The following BTBD2 variants were observed in gnomAD, a reference collection of about 807,000 sequenced individuals.
BTBD2 encodes the protein BTB/POZ domain-containing protein 2.
Under a neutral mutation model 44.0 loss-of-function variants are expected in BTBD2, and 15 were observed. The ratio of observed to expected loss-of-function variants is 0.34; its 90% confidence interval spans 0.23 to 0.53. The LOEUF (loss-of-function observed/expected upper bound fraction) is 0.53, where lower values mean the gene tolerates loss of function less well. Ranked by LOEUF, BTBD2 falls within the 20% of genes least tolerant of loss-of-function variation. The probability of loss-of-function intolerance (pLI) is 0.95; values close to 1 mark genes in which losing one functional copy is unlikely to be tolerated. For missense variants in BTBD2, 657 were observed against 746.4 expected, an observed-to-expected ratio of 0.88 and a Z score of 1.39; for synonymous variants, 443 against 335.9, an observed-to-expected ratio of 1.32 and a Z score of -3.49.
At chr19:1,987,035 G>A (rs931307069) in intron 7 of BTBD2, 59 bp from the exon 8 acceptor site, 8 of 1,595,360 alleles carry the variant, frequency 5.0e-6, no homozygotes, top group East Asian at 2.2e-5. Context: ...GGGACCCCTC[G>A]AGGCCCAGCC....
At chr19:2,000,823 A>C (rs1358966354) in intron 1 of BTBD2, among the ~76,000 whole-genome samples, 1 of 152,208 alleles carries the variant, frequency 6.6e-6, no homozygotes, top group East Asian at 1.9e-4. Context: ...GCGACCACCC[A>C]CGCACTGGAA....
At chr19:2,011,669 A>G (rs1455311213) in intron 1 of BTBD2, among the ~76,000 whole-genome samples, 1 of 151,862 alleles carries the variant, frequency 6.6e-6, no homozygotes, top group African/African-American at 2.4e-5. Flanking sequence ...TCATATGTGA[A>G]TTTTTTCAAT....
chr19:2,003,735 C>T (rs2145642615), intron 1 of BTBD2, among the ~76,000 whole-genome samples: 1 of 149,874 alleles, frequency 6.7e-6, no homozygotes, highest in Admixed American at 6.7e-5. Context: ...CACGCCATTG[C>T]ACTCCAGCCT....
chr19:1,989,858 C>T (rs2016147777), intron 5 of BTBD2, 146 bp downstream of exon 5: 3 of 955,098 alleles, frequency 3.1e-6, no homozygotes, highest in Non-Finnish European at 4.7e-6. Context: ...GACGCGTCCT[C>T]ACAAGCCAGG....
intron 7 of BTBD2, 22 bp from the exon 8 acceptor site, chr19:1,986,998 G>A (rs117688255): frequency 0.016 from 26,196 of 1,606,684 alleles, 469 homozygotes; most frequent in Admixed American, 0.084. Flanking sequence ...TGGGAAGTGG[G>A]AGGCTCAGGC....
At chr19:1,994,585 C>A (rs545816964) in intron 2 of BTBD2, among the ~76,000 whole-genome samples, 1 of 151,648 alleles carries the variant, frequency 6.6e-6, no homozygotes. Flanking sequence ...ATGATGAAAC[C>A]GGGTCTCTAC....
chr19:1,988,978 TCTCGGCTCATCACAAC>T (rs1244560333), intron 5 of BTBD2, among the ~76,000 whole-genome samples: 2 of 152,050 alleles, frequency 1.3e-5, no homozygotes, highest in African/African-American at 4.8e-5. Context: ...AGTGGCGCGA[TCTCGGCTCATCACAAC>T]CTCCACCTCC....
intron 1 of BTBD2, chr19:2,003,584 C>T (rs987864711): frequency 6.6e-6 from 1 of 151,980 alleles, no homozygotes; most frequent in Non-Finnish European, 1.5e-5. Flanking sequence ...GCCTAACCAA[C>T]ATGGAGAAAT....
chr19:2,009,944 G>A lies in BTBD2; in HGVS notation c.407+5353C>T, dbSNP rs2016442719. Among the ~76,000 whole-genome samples the A allele has an allele frequency of 3.3e-5, 5 of 152,158 alleles. No individual in the cohort carries two copies. In the South Asian group the frequency reaches 8.3e-4, roughly 25 times the overall value. ...CGAGGTGGGCGGATCACCTGAGGTC[G>A]GGAGTTTGAGACTAGCCCGGCTAAC... On this transcript the variant is annotated intron_variant, in intron 1 of 8. Coordinates refer to ENST00000255608, the MANE Select transcript of BTBD2 (RefSeq NM_017797.4).
intron 1 of BTBD2, chr19:2,002,876 C>CAAAA (rs56289592): frequency 1.9e-5 from 2 of 102,744 alleles, no homozygotes; most frequent in Admixed American, 1.1e-4. Flanking sequence ...GACTCCGTCT[C>CAAAA]AAAAAAAAAA....
Position 1,987,517 on chromosome 19 carries a change from C to G in BTBD2, c.1164G>C (p.Gly388=). 6.3e-7 allele frequency: 1 copy of G among 1,586,082 alleles called. No homozygotes were observed. The highest frequency in any genetic ancestry group is 1.1e-5 in the South Asian group (1 of 87,874). Residue 388 remains glycine, a synonymous_variant, in exon 6 of 9, where the codon GGG becomes GGC. Transcript: ENST00000255608. ...QQVESRWGYS[G]TSDRIRFSVN... Reference sequence around the variant, plus strand: ...AGCCCCACCTGATGCGGTCACTGGTCCCGCTGTAGCCCCAGCGACTCTCCA... The same window carrying G: ...AGCCCCACCTGATGCGGTCACTGGTGCCGCTGTAGCCCCAGCGACTCTCCA...
chr19:1,986,665 G>A lies in BTBD2; in HGVS notation c.1417-16C>T. 6.2e-7 allele frequency: 1 copy of A among 1,611,836 alleles called. No homozygotes were observed. On this transcript the variant is annotated splice_polypyrimidine_tract_variant and intron_variant, in intron 8 of 8. Coordinates refer to ENST00000255608, the MANE Select transcript of BTBD2 (RefSeq NM_017797.4). The stretch of plus-strand genomic sequence containing the variant: ...AGTCTGGGCCCTGTAGGGAATAGGG[G>A]TACAGTGAGGTCAAGGACCACCAGG...
intron 2 of BTBD2, 149 bp downstream of exon 2, chr19:1,997,195 A>G (rs2145632487): frequency 2.6e-6 from 3 of 1,169,668 alleles, no homozygotes; most frequent in Non-Finnish European, 3.6e-6. Flanking sequence ...GAAAAAAAAA[A>G]GTGCCTCTGG....
chr19:1,994,432 C>T (rs184157006), intron 2 of BTBD2, among the ~76,000 whole-genome samples: 23 of 152,036 alleles, frequency 1.5e-4, no homozygotes, highest in African/African-American at 4.3e-4. Flanking sequence ...GAGTTGGAAA[C>T]CAGTGTGGGC....
At position 2,015,301 on chromosome 19, in the gene BTBD2, G is replaced by C; in HGVS notation, c.403C>G (p.His135Asp). The change falls in exon 1 of 9, where the codon CAC becomes GAC. Residue 135 changes from histidine to aspartate, a missense_variant. Physicochemically the swap from His to Asp is moderately conservative, Grantham distance 81 (BLOSUM62 -1). Transcript: ENST00000255608. ...TGGCGGGGTCGGGGCGCCCACCTGT[G>C]CGCGGGGATGCGCTGCGAGCTGAGC... ...KGLSSQRIPA[H>D]RFVLAVGSAV... 2.6e-6 allele frequency: 4 copies of C among 1,557,048 alleles called. No individual in the cohort carries two copies. The highest frequency in any genetic ancestry group is 3.5e-6 in the Non-Finnish European group (4 of 1,158,540).
intron 1 of BTBD2, among the ~76,000 whole-genome samples, chr19:2,012,615 G>A (rs1200867155): frequency 6.6e-6 from 1 of 151,770 alleles, no homozygotes; most frequent in Non-Finnish European, 1.5e-5. Flanking sequence ...GAGCTGAGTG[G>A]GGGTCCACGC....
rs1428796970 is a variant in BTBD2, at chr19:1,985,695, G to C, written c.*793C>G. On this transcript the variant is annotated 3_prime_UTR_variant, in exon 9 of 9. Coordinates refer to ENST00000255608, the MANE Select transcript of BTBD2 (RefSeq NM_017797.4). ...AGCAGTGCTCCTGGACCCGGTCGGG[G>C]CCGGCTGGGGCCCCATTCTGCGGCA... 1.3e-5 allele frequency: 2 copies of C among 152,404 alleles called. No individual in the cohort carries two copies. Among genetic ancestry groups the C allele is most frequent in the African/African-American group, 4.8e-5 (2 of 41,448 alleles). The allele number at this position is 152,404 out of a possible 1,614,324, so 9.4% of individuals were successfully genotyped here. A position where few individuals can be genotyped will look rare whatever the true frequency, so the allele number is the denominator to read the frequency against.
intron 1 of BTBD2, among the ~76,000 whole-genome samples, chr19:2,000,090 G>A (rs2016309364): frequency 2.0e-5 from 3 of 152,218 alleles, no homozygotes; most frequent in African/African-American, 7.2e-5. Context: ...GGGTGGGGCA[G>A]GAGGATCCTC....
In BTBD2 at chr19:2,015,539, AG is replaced by A; in HGVS notation, c.164del (p.Pro55LeufsTer136). On this transcript the variant is annotated frameshift_variant, in exon 1 of 9. Transcript: ENST00000255608. LOFTEE classifies it high-confidence loss of function. ...AAAAAAAAAA[P>X]GPTPPAPPGP... ...CCGGCGGGGCGGGCGGCGTCGGCCC[AG>A]GGGCGGCGGCGGCGGCGGCGGCGGC... The A allele has an allele frequency of 4.4e-6, 4 of 909,360 alleles. No individual in the cohort carries two copies. The highest frequency in any genetic ancestry group is 5.3e-5 in the South Asian group (1 of 18,816). The allele number at this position is 909,360 out of a possible 1,614,324, so 56.3% of individuals were successfully genotyped here.
Sources: gnomAD v4.1 joint callset for allele counts (sites outside exome capture counted in the v4.1 genomes callset) on GRCh38, gnomAD v4.1.1 for gene constraint, MANE v1.5 for transcripts, NCBI Gene and HGNC (gene_info 2026-07-23, HGNC 2026-07-21) for gene names.